The following TP73 variants were observed in gnomAD, a reference collection of about 807,000 sequenced individuals.
TP73 encodes tumor protein p73.
TP73 carries 25 observed loss-of-function variants against 62.5 expected under a neutral mutation model. That is an observed-to-expected ratio of 0.40 (90% CI 0.29 to 0.56). The LOEUF is 0.56. Among genes scored for constraint, TP73 ranks in the 20% least tolerant of loss-of-function variants. The probability of loss-of-function intolerance (pLI) is 0.46; values close to 1 mark genes in which losing one functional copy is unlikely to be tolerated. For synonymous variants in TP73, 423 were observed against 377.5 expected (o/e 1.12, Z -1.40); for missense variants, 754 against 913.3 (o/e 0.83, Z 2.25).
At chr1:3,729,275 C>T (rs1409759413) in intron 9 of TP73, 52 bp from the exon 10 acceptor site, 4 of 1,609,474 alleles carry the variant, frequency 2.5e-6, no homozygotes, top group East Asian at 2.2e-5. Context: ...GGCCACCCCC[C>T]TCCCGTGGGG....
At chr1:3,732,639 G>A (rs1443041131) in intron 13 of TP73, 108 bp from the exon 14 acceptor site, 1 of 991,510 alleles carries the variant, frequency 1.0e-6, no homozygotes, top group African/African-American at 1.6e-5. Flanking sequence ...CTCTGGTTGG[G>A]GGTGTAGGGG....
At chr1:3,690,657 G>T in intron 3 of TP73, 10 of 1,396,992 alleles carry the variant, frequency 7.2e-6, no homozygotes, top group Non-Finnish European at 9.3e-6. Context: ...GGGGTGGGCC[G>T]CGGGTTTTGT....
intron 4 of TP73, among the ~76,000 whole-genome samples, chr1:3,718,928 C>T (rs1441035919): frequency 6.6e-6 from 1 of 152,138 alleles, no homozygotes; most frequent in Non-Finnish European, 1.5e-5. Flanking sequence ...GGCGCAGTAG[C>T]CACTAACACC....
intron 5 of TP73, among the ~76,000 whole-genome samples, chr1:3,722,886 G>T (rs1267407878): frequency 6.8e-6 from 1 of 146,606 alleles, no homozygotes; most frequent in Non-Finnish European, 1.5e-5. Flanking sequence ...CTGGCACAGG[G>T]TGGGCACCTC....
In TP73 at chr1:3,699,942, C is replaced by T. The variant is rs964922811; in HGVS notation, c.187-7607C>T. Among the ~76,000 whole-genome samples, 11 of 152,066 alleles carry T rather than the reference C, an allele frequency of 7.2e-5. No homozygotes were observed. The highest frequency in any genetic ancestry group is 4.4e-5 in the Non-Finnish European group (3 of 67,988). On this transcript the variant is annotated intron_variant, in intron 3 of 13. Coordinates refer to ENST00000378295, the MANE Select transcript of TP73 (RefSeq NM_005427.4). The surrounding 1 kb of genome is among the most constrained non-coding windows in gnomAD (Gnocchi z 4.1). ...GGACTGCATGGCCAGACCGTGGGCT[C>T]GGGCCCCAGTCTCCTGATCTCCGCC...
At chr1:3,653,582 T>C (rs1480699956) in intron 1 of TP73, among the ~76,000 whole-genome samples, 1 of 152,266 alleles carries the variant, frequency 6.6e-6, no homozygotes, top group Non-Finnish European at 1.5e-5. Context: ...CCAAAGATGC[T>C]GCCATCTGTT....
In TP73 at chr1:3,710,210, T is replaced by TG. The variant is rs1173252326; in HGVS notation, c.429+2426dup. Among the ~76,000 whole-genome samples, 7 of 38,974 alleles carry TG rather than the reference T, an allele frequency of 1.8e-4. No individual in the cohort carries two copies. In the East Asian group the frequency reaches 2.4e-3, roughly 14 times the overall value. The allele number at this position is 38,974 out of a possible 152,430, so 25.6% of individuals were successfully genotyped here. ...TGTGGATGCTGGGGCGGGGGGAGGG[T>TG]GGGGGGGCGCGAACTGGGGAGGAAA... On this transcript the variant is annotated intron_variant, in intron 4 of 13. Coordinates refer to ENST00000378295, the MANE Select transcript of TP73 (RefSeq NM_005427.4).
chr1:3,711,933 G>A (rs895222155), intron 4 of TP73, among the ~76,000 whole-genome samples: 4 of 152,052 alleles, frequency 2.6e-5, no homozygotes, highest in East Asian at 1.9e-4. Context: ...AAAGCCCCCC[G>A]TCCAGGAGGG....
intron 4 of TP73, among the ~76,000 whole-genome samples, chr1:3,708,825 C>G (rs1639890720): frequency 6.6e-6 from 1 of 152,184 alleles, no homozygotes; most frequent in Non-Finnish European, 1.5e-5. Context: ...AGGAGGGGCT[C>G]TATGGGACAC....
chr1:3,677,270 A>G (rs1429315308), intron 1 of TP73, among the ~76,000 whole-genome samples: 2 of 152,072 alleles, frequency 1.3e-5, no homozygotes, highest in Non-Finnish European at 2.9e-5. Context: ...TTGAGGATCC[A>G]AGCAGGCTGA....
In TP73 at chr1:3,699,967, C is replaced by T. The variant is rs1639019509; in HGVS notation, c.187-7582C>T. Among the ~76,000 whole-genome samples, 1 of 152,094 alleles carries T rather than the reference C, an allele frequency of 6.6e-6. No homozygotes were observed. Among genetic ancestry groups the T allele is most frequent in the Non-Finnish European group, 1.5e-5 (1 of 67,990 alleles). On this transcript the variant is annotated intron_variant, in intron 3 of 13. Coordinates refer to ENST00000378295, the MANE Select transcript of TP73 (RefSeq NM_005427.4). The surrounding 1 kb of genome is among the most constrained non-coding windows in gnomAD (Gnocchi z 4.1). ...CGGGCCCCAGTCTCCTGATCTCCGCCAAGCCCAGGGCCCCAGGAAGCGGCC... is the reference window on the plus strand; with the variant it reads ...CGGGCCCCAGTCTCCTGATCTCCGCTAAGCCCAGGGCCCCAGGAAGCGGCC...
intron 1 of TP73, among the ~76,000 whole-genome samples, chr1:3,680,878 G>A (rs1645503438): frequency 6.6e-6 from 1 of 152,248 alleles, no homozygotes; most frequent in African/African-American, 2.4e-5. Context: ...GAAGTGGGGT[G>A]GGGCAGGGCA....
chr1:3,653,752 G>T (rs903784456), intron 1 of TP73, among the ~76,000 whole-genome samples: 1 of 152,228 alleles, frequency 6.6e-6, no homozygotes, highest in Non-Finnish European at 1.5e-5. Flanking sequence ...CTTACTGAGC[G>T]CTGAGCCACC....
chr1:3,695,436 G>A (rs1266320377), intron 3 of TP73, among the ~76,000 whole-genome samples: 1 of 152,220 alleles, frequency 6.6e-6, no homozygotes, highest in African/African-American at 2.4e-5. Flanking sequence ...TCGCCGCAGG[G>A]CCTGGGCTGT....
rs765668792 is a variant in TP73, at chr1:3,732,764, G to A, written c.1596G>A (p.Lys532=). The part of the protein sequence containing the change: ...NLTIEDLGAL[K]IPEQYRMTIW... Reference sequence around the variant, plus strand: ...TCTCGCAGGACCTGGGGGCCCTGAAGATCCCCGAGCAGTACCGCATGACCA... The same window carrying A: ...TCTCGCAGGACCTGGGGGCCCTGAAAATCCCCGAGCAGTACCGCATGACCA... Residue 532 remains lysine (K), a synonymous_variant, in exon 14 of 14, where the codon AAG becomes AAA. Transcript: ENST00000378295. 5.1e-6 allele frequency: 8 copies of A among 1,577,526 alleles called. No individual in the cohort carries two copies. In the Admixed American group the frequency reaches 5.2e-5, roughly 10 times the overall value.
At chr1:3,702,749 C>T (rs1248565081) in intron 3 of TP73, among the ~76,000 whole-genome samples, 2 of 152,262 alleles carry the variant, frequency 1.3e-5, no homozygotes, top group Non-Finnish European at 2.9e-5. Flanking sequence ...CCTGCACACA[C>T]ATGTAGGCAC....
At chr1:3,668,021 T>C (rs1557489921) in intron 1 of TP73, among the ~76,000 whole-genome samples, 1 of 152,164 alleles carries the variant, frequency 6.6e-6, no homozygotes, top group Non-Finnish European at 1.5e-5. Context: ...ATGGCCAGGG[T>C]CCAGCTGCTA....
intron 1 of TP73, among the ~76,000 whole-genome samples, chr1:3,677,420 G>A (rs1645398102): frequency 6.6e-6 from 1 of 152,180 alleles, no homozygotes; most frequent in Non-Finnish European, 1.5e-5. Flanking sequence ...ATGGAAGTTG[G>A]GGCAGGGTCG....
chr1:3,719,660 C>T (rs1290697159), intron 4 of TP73, among the ~76,000 whole-genome samples: 2 of 152,202 alleles, frequency 1.3e-5, no homozygotes, highest in Non-Finnish European at 2.9e-5. Flanking sequence ...GGCAGGGCTA[C>T]CTGCTTATCC....
Sources: gnomAD v4.1 joint callset for allele counts (sites outside exome capture counted in the v4.1 genomes callset) on GRCh38, gnomAD v4.1.1 for gene constraint, Gnocchi (gnomAD v3.1) non-coding constraint, MANE v1.5 for transcripts, NCBI Gene and HGNC (gene_info 2026-07-23, HGNC 2026-07-21) for gene names.